The following DOCK1 variants were observed in gnomAD, a reference collection of about 807,000 sequenced individuals.
DOCK1 encodes the protein dedicator of cytokinesis protein 1.
DOCK1 carries 138 observed loss-of-function variants against 262.7 expected under a neutral mutation model. The observed-to-expected ratio is 0.53, with a 90% CI of 0.46 to 0.61. The LOEUF is 0.61. DOCK1 is among the 20% of genes least tolerant of loss of function. The pLI, the probability that DOCK1 is intolerant of heterozygous loss-of-function variation, is 0.00. For synonymous variants in DOCK1, 866 were observed against 867.4 expected (o/e 1.00, Z 0.03); for missense variants, 1,908 against 2,370.7 (o/e 0.80, Z 4.05).
intron 1 of DOCK1, among the ~76,000 whole-genome samples, chr10:126,928,953 C>G (rs905217656): frequency 2.6e-5 from 4 of 152,232 alleles, no homozygotes; most frequent in Admixed American, 6.5e-5. Flanking sequence ...AGGTCACTTT[C>G]AGAGGCTTGG....
chr10:127,291,269 G>A (rs2061336847), intron 29 of DOCK1, among the ~76,000 whole-genome samples: 3 of 152,190 alleles, frequency 2.0e-5, no homozygotes, highest in South Asian at 4.1e-4. Context: ...AAGTGGTATC[G>A]AATTTTACCT....
Position 127,446,008 on chromosome 10 carries a change from T to C in DOCK1, c.5414-1386T>C, listed in dbSNP as rs755920865. On this transcript the variant is annotated intron_variant, in intron 50 of 51. Coordinates refer to ENST00000623213, the MANE Select transcript of DOCK1 (RefSeq NM_001290223.2). The surrounding 1 kb of genome is among the most constrained non-coding windows in gnomAD (Gnocchi z 4.4). ...GCTCACGCCTGTCATCCCAGCACTT[T>C]GGGAGTTCGAGGTGGGTGGATCAGC... Among the ~76,000 whole-genome samples, 1 of 152,210 alleles carries C rather than the reference T, an allele frequency of 6.6e-6. No homozygotes were observed. Among genetic ancestry groups the C allele is most frequent in the Non-Finnish European group, 1.5e-5 (1 of 68,034 alleles).
At chr10:127,370,586 T>A (rs1227829951) in intron 33 of DOCK1, among the ~76,000 whole-genome samples, 1 of 152,166 alleles carries the variant, frequency 6.6e-6, no homozygotes, top group Non-Finnish European at 1.5e-5. Flanking sequence ...ATAATTGGCT[T>A]TTGGATTAGC....
chr10:127,048,615 A>C (rs1393398441), intron 21 of DOCK1, among the ~76,000 whole-genome samples: 1 of 152,202 alleles, frequency 6.6e-6, no homozygotes, highest in Non-Finnish European at 1.5e-5. Flanking sequence ...GCACTGTCTA[A>C]TGTCACAGCA....
chr10:127,194,130 T>C (rs1422919988), intron 27 of DOCK1, among the ~76,000 whole-genome samples: 1 of 152,236 alleles, frequency 6.6e-6, no homozygotes, highest in African/African-American at 2.4e-5. Flanking sequence ...TAAACTGAAT[T>C]GTTTAGTCTT....
Position 127,311,507 on chromosome 10 carries a change from G to A in DOCK1, c.3045-27499G>A, listed in dbSNP as rs138514130. Reference sequence around the variant, plus strand: ...TATGTCAGTGCTCAAAAAGTTTCAGGTTTTGGAGTATTTTGGAATTTTGGA... The same window carrying A: ...TATGTCAGTGCTCAAAAAGTTTCAGATTTTGGAGTATTTTGGAATTTTGGA... On this transcript the variant is annotated intron_variant, in intron 29 of 51. Coordinates refer to ENST00000623213, the MANE Select transcript of DOCK1 (RefSeq NM_001290223.2). Among the ~76,000 whole-genome samples the A allele has an allele frequency of 3.1e-3, 476 of 152,310 alleles. 7 individuals carry two copies. The highest frequency in any genetic ancestry group is 0.011 in the African/African-American group (456 of 41,562).
intron 19 of DOCK1, among the ~76,000 whole-genome samples, chr10:127,040,866 A>G (rs1326106297): frequency 6.6e-6 from 1 of 152,060 alleles, no homozygotes; most frequent in Non-Finnish European, 1.5e-5. Flanking sequence ...CCACTGTCTA[A>G]TTTCAGAACA....
chr10:126,997,079 G>A (rs866687060), intron 7 of DOCK1, among the ~76,000 whole-genome samples, 196 bp downstream of exon 7: 13 of 152,162 alleles, frequency 8.5e-5, no homozygotes, highest in African/African-American at 2.2e-4. Flanking sequence ...AAAGGGGGTC[G>A]GACAGCATTG....
rs910287576 is a variant in DOCK1, at chr10:127,451,600, C to T, written c.*173C>T. ...TCACCATGGAGTGAGTGGCCTTTAG[C>T]GTCATGGAGCAAGGTGGGTCTGGGA... is the stretch of plus-strand genomic sequence containing the variant. On this transcript the variant is annotated 3_prime_UTR_variant, in exon 52 of 52. Coordinates refer to ENST00000623213, the MANE Select transcript of DOCK1 (RefSeq NM_001290223.2). The T allele has an allele frequency of 1.7e-4, 249 of 1,436,812 alleles. 1 individual carries two copies. In the African/African-American group the frequency reaches 2.7e-3, roughly 16 times the overall value. 89.0% of individuals were successfully genotyped at this position (1,436,812 alleles called of 1,614,324 possible). A position where few individuals can be genotyped will look rare whatever the true frequency, so the allele number is the denominator to read the frequency against.
intron 23 of DOCK1, among the ~76,000 whole-genome samples, chr10:127,085,603 C>T (rs961346732): frequency 1.4e-4 from 22 of 152,078 alleles, no homozygotes; most frequent in African/African-American, 4.8e-4. Context: ...GCTGAAAATA[C>T]AGAAATTACC....
intron 21 of DOCK1, among the ~76,000 whole-genome samples, chr10:127,048,045 G>A (rs990533452): frequency 6.6e-6 from 1 of 152,146 alleles, no homozygotes; most frequent in Non-Finnish European, 1.5e-5. Flanking sequence ...TAGAATTGCC[G>A]GGCTAAAGGA....
chr10:127,344,280 C>T (rs182592777), intron 31 of DOCK1: 87 of 152,680 alleles, frequency 5.7e-4, no homozygotes, highest in Non-Finnish European at 9.4e-4. Flanking sequence ...AGATCCTTGC[C>T]GGCCCCTCCA....
In DOCK1 at chr10:127,004,778, CCG is replaced by C. The variant is rs1345938936; in HGVS notation, c.986-3952_986-3951del. On this transcript the variant is annotated intron_variant, in intron 10 of 51. Transcript: ENST00000623213. Reference sequence around the variant, plus strand: ...AACGGCCCCCTGCCCCGCCACCCCCCCGCCCCAAAAAAAAGAAAAAAGTCTTG... The same window carrying C: ...AACGGCCCCCTGCCCCGCCACCCCCCCCCCAAAAAAAAGAAAAAAGTCTTG... 9.9e-3 allele frequency among the ~76,000 whole-genome samples: 1,243 copies of C among 125,564 alleles called. 73 individuals are homozygous for C. The highest frequency in any genetic ancestry group is 0.022 in the Middle Eastern group (5 of 230). 82.4% of individuals were successfully genotyped at this position (125,564 alleles called of 152,430 possible).
intron 33 of DOCK1, among the ~76,000 whole-genome samples, chr10:127,363,232 G>A (rs528903450): frequency 4.6e-4 from 70 of 152,284 alleles, no homozygotes; most frequent in South Asian, 3.7e-3. Flanking sequence ...ATACTGGACC[G>A]GATGTGGTTG....
intron 29 of DOCK1, among the ~76,000 whole-genome samples, chr10:127,331,106 G>A (rs1357764880): frequency 6.6e-6 from 1 of 152,160 alleles, no homozygotes; most frequent in Admixed American, 6.5e-5. Context: ...GTGGCTAAAG[G>A]TGATATAGGA....
intron 8 of DOCK1, 38 bp from the exon 9 acceptor site, chr10:126,999,316 T>G: frequency 6.4e-7 from 1 of 1,556,960 alleles, no homozygotes; most frequent in Non-Finnish European, 8.8e-7. Context: ...CCCTGTTATT[T>G]GGAAAATTAA....
Position 127,410,074 on chromosome 10 carries a change from G to T in DOCK1, c.4343+683G>T, listed in dbSNP as rs546100163. ...TGGTGAAAATATTAATCTCTTTGAT[G>T]ACCTCATATTCCTTAGGATCAGCTT... On this transcript the variant is annotated intron_variant, in intron 42 of 51. Coordinates refer to ENST00000623213, the MANE Select transcript of DOCK1 (RefSeq NM_001290223.2). Among the ~76,000 whole-genome samples the T allele has an allele frequency of 3.3e-5, 5 of 152,312 alleles. No homozygotes were observed. The East Asian group carries it at 7.7e-4, about 24-fold the overall frequency.
intron 29 of DOCK1, among the ~76,000 whole-genome samples, chr10:127,310,601 G>T (rs530096835): frequency 6.6e-6 from 1 of 152,170 alleles, no homozygotes; most frequent in East Asian, 1.9e-4. Context: ...AACTGTTCTC[G>T]TAAAAGCGTT....
At chr10:127,113,834 A>G (rs1195384811) in intron 25 of DOCK1, among the ~76,000 whole-genome samples, 1 of 152,086 alleles carries the variant, frequency 6.6e-6, no homozygotes, top group Non-Finnish European at 1.5e-5. Flanking sequence ...TGTTCTATCC[A>G]GGCCCTCAAG....
Sources: gnomAD v4.1 joint callset for allele counts (sites outside exome capture counted in the v4.1 genomes callset) on GRCh38, gnomAD v4.1.1 for gene constraint, Gnocchi (gnomAD v3.1) non-coding constraint, MANE v1.5 for transcripts, NCBI Gene and HGNC (gene_info 2026-07-23, HGNC 2026-07-21) for gene names.